TOMM20L: variants seen among roughly 807,000 people sequenced by gnomAD.
The protein encoded by TOMM20L is TOMM20-like protein 1.
In TOMM20L, 19 loss-of-function variants were observed where a neutral mutation model predicts 20.4. That is an observed-to-expected ratio of 0.93 (90% CI 0.65 to 1.36). TOMM20L has a LOEUF of 1.36. Among genes scored for constraint, TOMM20L ranks in the 40% most tolerant of loss-of-function variants. The pLI, the probability that TOMM20L is intolerant of heterozygous loss-of-function variation, is 0.00. For missense variants in TOMM20L, 218 were observed against 203.7 expected, an observed-to-expected ratio of 1.07 and a Z score of -0.43; for synonymous variants, 75 against 79.6, an observed-to-expected ratio of 0.94 and a Z score of 0.30.
chr14:58,400,436 G>GA (rs1167847335), intron 2 of TOMM20L, among the ~76,000 whole-genome samples: 8,338 of 122,308 alleles, frequency 0.068, 304 homozygotes, highest in Middle Eastern at 0.12. Flanking sequence ...AAAAAAAAAA[G>GA]AAAAAAAAAA....
Position 58,395,981 on chromosome 14 carries a change from C to G in TOMM20L, c.24C>G (p.Leu8=), listed in dbSNP as rs1360148720. 3 of 1,453,616 alleles carry G rather than the reference C, an allele frequency of 2.1e-6. No individual in the cohort carries two copies. The African/African-American group carries it at 4.4e-5, about 21-fold the overall frequency. The allele number at this position is 1,453,616 out of a possible 1,614,324, so 90.0% of individuals were successfully genotyped here. The change falls in exon 1 of 5, where the codon CTC becomes CTG. Residue 8 remains leucine (L), a synonymous_variant. Transcript: ENST00000360945. MPSVRSL[L]RLLAAAAACG... is the part of the protein sequence containing the mutation. ...GGATGCCCTCCGTCCGCTCCCTCCT[C>G]CGCCTCTTGGCCGCCGCGGCGGCCT...
At chr14:58,410,675 TAAACTC>T (rs1317972104), downstream of TOMM20L, among the ~76,000 whole-genome samples, 1 of 152,240 alleles carries the variant, frequency 6.6e-6, no homozygotes, top group Non-Finnish European at 1.5e-5. Context: ...TTGGCACTGT[TAAACTC>T]AATGCCGTGG....
At chr14:58,401,130 C>T (rs567473971) in intron 2 of TOMM20L, among the ~76,000 whole-genome samples, 1 of 152,314 alleles carries the variant, frequency 6.6e-6, no homozygotes, top group Non-Finnish European at 1.5e-5. Context: ...TAGACTGTGG[C>T]TCCTTGGGGA....
At chr14:58,407,723 A>G (rs1412224494) in intron 4 of TOMM20L, among the ~76,000 whole-genome samples, 2 of 152,232 alleles carry the variant, frequency 1.3e-5, no homozygotes, top group Non-Finnish European at 2.9e-5. Context: ...TTCTACTTCC[A>G]TTAACATACA....
At chr14:58,396,732 A>T (rs903620776) in intron 2 of TOMM20L, among the ~76,000 whole-genome samples, 1 of 152,244 alleles carries the variant, frequency 6.6e-6, no homozygotes, top group African/African-American at 2.4e-5. Flanking sequence ...CTTGTAGCTC[A>T]GAAGCAGAAG....
At chr14:58,405,116 G>A (rs556953880) in intron 3 of TOMM20L, among the ~76,000 whole-genome samples, 28 of 152,132 alleles carry the variant, frequency 1.8e-4, no homozygotes, top group African/African-American at 5.5e-4. Context: ...TTACAGGCGT[G>A]CACCACCACG....
chr14:58,408,956 T>G (rs1476414971), downstream of TOMM20L: 1 of 1,542,908 alleles, frequency 6.5e-7, no homozygotes, highest in Non-Finnish European at 8.7e-7. Context: ...TTTCAGGGGA[T>G]TCTATCAGAT....
rs1404680470 is a variant in TOMM20L at position 58,395,970 on chromosome 14, C to A, written c.13C>A (p.Arg5Ser). The change falls in exon 1 of 5, where the codon CGC becomes AGC. Residue 5 changes from arginine (R) to serine (S), a missense_variant. Physicochemically the swap from Arg to Ser is moderately radical, Grantham distance 110. Coordinates refer to ENST00000360945, the MANE Select transcript of TOMM20L (RefSeq NM_207377.3). ...CGCCCGCGGTCGGATGCCCTCCGTC[C>A]GCTCCCTCCTCCGCCTCTTGGCCGC... MPSV[R>S]SLLRLLAAAA... The A allele has an allele frequency of 1.4e-6, 2 of 1,445,716 alleles. No homozygotes were observed. The highest frequency in any genetic ancestry group is 1.8e-6 in the Non-Finnish European group (2 of 1,092,136). 89.6% of individuals were successfully genotyped at this position (1,445,716 alleles called of 1,614,324 possible).
chr14:58,406,925 G>T (rs2140305913), intron 3 of TOMM20L, among the ~76,000 whole-genome samples: 1 of 151,924 alleles, frequency 6.6e-6, no homozygotes, highest in South Asian at 2.1e-4. Context: ...GTTCCATTTA[G>T]CTGGAACATC....
At position 58,401,347 on chromosome 14, in the gene TOMM20L, G is replaced by A. The variant is rs142939639; in HGVS notation, c.181-1333G>A. On this transcript the variant is annotated intron_variant, in intron 2 of 4. Transcript: ENST00000360945. ...AGCACTTTGGGAGGCCGAGGTGGGC[G>A]GATCACAAAGTCAGGAGATCGAGAC... 9.1e-3 allele frequency among the ~76,000 whole-genome samples: 1,386 copies of A among 152,064 alleles called. 20 individuals carry two copies. Among genetic ancestry groups the A allele is most frequent in the African/African-American group, 0.032 (1,321 of 41,482 alleles).
downstream of TOMM20L, chr14:58,409,005 T>C: frequency 6.3e-7 from 1 of 1,592,724 alleles, no homozygotes; most frequent in Non-Finnish European, 8.5e-7. Flanking sequence ...TGGCAATCTT[T>C]CATCAAAAGT....
chr14:58,402,850 T>A, intron 3 of TOMM20L, 89 bp downstream of exon 3: 2 of 1,004,832 alleles, frequency 2.0e-6, no homozygotes, highest in South Asian at 1.4e-5. Flanking sequence ...AATAACTAGC[T>A]GGATGTGTTA....
At chr14:58,405,050 C>T (rs1282419839) in intron 3 of TOMM20L, among the ~76,000 whole-genome samples, 1 of 151,280 alleles carries the variant, frequency 6.6e-6, no homozygotes, top group African/African-American at 2.4e-5. Flanking sequence ...CCCATTGCAA[C>T]CTCTGCCTTC....
intron 3 of TOMM20L, among the ~76,000 whole-genome samples, chr14:58,404,188 G>C (rs1401105824): frequency 6.9e-4 from 78 of 112,638 alleles, no homozygotes; most frequent in Middle Eastern, 4.6e-3. Flanking sequence ...GGAGTGCAGT[G>C]GCGGGATCTC....
In TOMM20L at chr14:58,396,064, AC is replaced by A; in HGVS notation, c.111del (p.Ala38ArgfsTer65). 7.1e-7 allele frequency: 1 copy of A among 1,408,656 alleles called. No homozygotes were observed. The highest frequency in any genetic ancestry group is 1.8e-5 in the South Asian group (1 of 55,696). 87.3% of individuals were successfully genotyped at this position (1,408,656 alleles called of 1,614,324 possible). ...TACCTCAACCGGAAGCGGCGCGGGG[AC>A]CCCGCGTTCAAGCGCCGCCTGCGGG... ...CIYLNRKRRG[D>X]PAFKRRLRDK... On this transcript the variant is annotated frameshift_variant, in exon 1 of 5. Coordinates refer to ENST00000360945, the MANE Select transcript of TOMM20L (RefSeq NM_207377.3). LOFTEE classifies it high-confidence loss of function.
downstream of TOMM20L, chr14:58,411,033 T>C: frequency 2.5e-6 from 2 of 797,764 alleles, no homozygotes; most frequent in South Asian, 1.6e-5. Flanking sequence ...AGACAAAATA[T>C]ACTATAACAC....
the TOMM20L span, among the ~76,000 whole-genome samples, chr14:58,416,640 T>G: frequency 2.6e-5 from 4 of 152,364 alleles, 1 homozygote. Context: ...GTTTCCTAAA[T>G]TATGTTTGTC....
chr14:58,402,225 A>G (rs1305016392), intron 2 of TOMM20L, among the ~76,000 whole-genome samples: 1 of 152,176 alleles, frequency 6.6e-6, no homozygotes, highest in Non-Finnish European at 1.5e-5. Flanking sequence ...TAAATATTAT[A>G]AAGAACAACT....
chr14:58,405,937 C>CTT (rs1225783147), intron 3 of TOMM20L, among the ~76,000 whole-genome samples: 1 of 152,146 alleles, frequency 6.6e-6, no homozygotes, highest in Non-Finnish European at 1.5e-5. Flanking sequence ...GGCTGGAACC[C>CTT]AGGTGTCAAT....
Sources: gnomAD v4.1 joint callset for allele counts (sites outside exome capture counted in the v4.1 genomes callset) on GRCh38, gnomAD v4.1.1 for gene constraint, MANE v1.5 for transcripts, NCBI Gene and HGNC (gene_info 2026-07-23, HGNC 2026-07-21) for gene names.